LRGUK: variants seen among roughly 807,000 people sequenced by gnomAD.
LRGUK encodes leucine rich repeats and guanylate kinase domain containing, also known as leucine-rich repeat and guanylate kinase domain-containing protein.
In LRGUK, 65 loss-of-function variants were observed where a neutral mutation model predicts 76.0. That is an observed-to-expected ratio of 0.85 (90% CI 0.70 to 1.05). The LOEUF (loss-of-function observed/expected upper bound fraction) is 1.05, where lower values mean the gene tolerates loss of function less well. Ranked by LOEUF, LRGUK falls within the 50% of genes least tolerant of loss-of-function variation. LRGUK has a pLI of 0.00. For synonymous variants in LRGUK, 268 were observed against 265.6 expected, an observed-to-expected ratio of 1.01 and a Z score of -0.09; for missense variants, 758 against 732.8, an observed-to-expected ratio of 1.03 and a Z score of -0.40.
At chr7:134,253,109 C>A (rs1052849723) in intron 18 of LRGUK, among the ~76,000 whole-genome samples, 3 of 152,142 alleles carry the variant, frequency 2.0e-5, no homozygotes, top group Non-Finnish European at 2.9e-5. Context: ...AAATGTACTT[C>A]TTTGCTGGGA....
chr7:134,258,475 A>G, intron 19 of LRGUK, 70 bp downstream of exon 19: 1 of 1,436,654 alleles, frequency 7.0e-7, no homozygotes, highest in East Asian at 2.4e-5. Flanking sequence ...AGGCGAATGG[A>G]TCTCCTGACG....
intron 1 of LRGUK, 80 bp downstream of exon 1, chr7:134,127,744 C>T (rs1797075759): frequency 2.0e-6 from 3 of 1,470,702 alleles, no homozygotes; most frequent in Non-Finnish European, 2.7e-6. Context: ...CCGATGCACC[C>T]CCACCAGCCC....
chr7:134,195,085 G>A (rs1773848036), intron 12 of LRGUK, among the ~76,000 whole-genome samples: 1 of 152,092 alleles, frequency 6.6e-6, no homozygotes, highest in Admixed American at 6.6e-5. Flanking sequence ...CTGTCTTCCT[G>A]TACTGAATCA....
downstream of LRGUK, among the ~76,000 whole-genome samples, chr7:134,265,134 G>A (rs1802833482): frequency 6.6e-6 from 1 of 152,040 alleles, no homozygotes; most frequent in South Asian, 2.1e-4. Flanking sequence ...TGGAGAAGTG[G>A]GGAGGAAGAG....
chr7:134,248,011 A>T (rs1428705056), intron 17 of LRGUK, among the ~76,000 whole-genome samples: 2 of 152,174 alleles, frequency 1.3e-5, no homozygotes, highest in Non-Finnish European at 2.9e-5. Context: ...ATCTATTGAG[A>T]ATCTTTAATC....
chr7:134,271,126 G>C, the LRGUK span, among the ~76,000 whole-genome samples: 1 of 151,820 alleles, frequency 6.6e-6, no homozygotes, highest in Non-Finnish European at 1.5e-5. Flanking sequence ...TGAATTGCCT[G>C]TTTATATGTT....
At chr7:134,199,418 G>A (rs993419579) in exon 14 of LRGUK, 2 of 1,609,720 alleles carry the variant, frequency 1.2e-6, no homozygotes, top group Non-Finnish European at 1.7e-6. Context: ...GGTAATCAAT[G>A]CAGGTTGGTA....
At chr7:134,149,319 T>C (rs1399526801) in intron 5 of LRGUK, among the ~76,000 whole-genome samples, 1 of 152,102 alleles carries the variant, frequency 6.6e-6, no homozygotes, top group Non-Finnish European at 1.5e-5. Flanking sequence ...AGCCAGTACC[T>C]TCTTTTTCTC....
chr7:134,208,777 G>A (rs565465875), exon 16 of LRGUK: 10 of 399,020 alleles, frequency 2.5e-5, no homozygotes, highest in Admixed American at 4.4e-5. Context: ...GGTGCTTGGC[G>A]AAACTGCAAG....
chr7:134,156,236 C>T (rs563464855), intron 5 of LRGUK, among the ~76,000 whole-genome samples: 1 of 152,018 alleles, frequency 6.6e-6, no homozygotes, highest in Non-Finnish European at 1.5e-5. Context: ...TTCACTCTTT[C>T]GGAAATTGCC....
chr7:134,217,076 C>T (rs1460835761), intron 15 of LRGUK, among the ~76,000 whole-genome samples: 1 of 152,028 alleles, frequency 6.6e-6, no homozygotes, highest in Non-Finnish European at 1.5e-5. Context: ...TAGCAAGTTT[C>T]CACTCTTGAA....
intron 15 of LRGUK, among the ~76,000 whole-genome samples, chr7:134,203,040 TA>T (rs1310817440): frequency 1.3e-5 from 2 of 152,040 alleles, no homozygotes; most frequent in East Asian, 3.9e-4. Flanking sequence ...CTGTCTCTAC[TA>T]AAAATACAAA....
chr7:134,148,159 C>A lies in LRGUK; in HGVS notation c.589-79C>A, dbSNP rs1201955614. ...CTAACTCTACATTCAAAAATACCTT[C>A]TTCTTGCACAGTTAATTATTGTGGC... On this transcript the variant is annotated intron_variant, in intron 4 of 15. Coordinates refer to ENST00000645682, the Ensembl canonical transcript of LRGUK. The A allele has an allele frequency of 3.4e-6, 3 of 871,810 alleles. No homozygotes were observed. In the African/African-American group the frequency reaches 5.2e-5, roughly 15 times the overall value. The allele number at this position is 871,810 out of a possible 1,614,324, so 54.0% of individuals were successfully genotyped here.
intron 5 of LRGUK, among the ~76,000 whole-genome samples, chr7:134,156,327 G>T (rs1024209721): frequency 1.3e-5 from 2 of 151,912 alleles, no homozygotes; most frequent in Non-Finnish European, 2.9e-5. Flanking sequence ...ATTCTAGGTA[G>T]AATCTTTTGT....
chr7:134,221,823 T>A (rs1426052518), exon 16 of LRGUK: 1 of 1,602,390 alleles, frequency 6.2e-7, no homozygotes, highest in South Asian at 1.1e-5. Context: ...TCCTACAAAG[T>A]ATATTTCTTC....
Position 134,163,141 on chromosome 7 carries a change from T to A in LRGUK, c.796-256T>A, listed in dbSNP as rs17167543. 0.13 allele frequency among the ~76,000 whole-genome samples: 20,027 copies of A among 152,192 alleles called. 1,667 individuals are homozygous for A. Among genetic ancestry groups the A allele is most frequent in the East Asian group, 0.32 (1,660 of 5,162 alleles). On this transcript the variant is annotated intron_variant, in intron 6 of 15. Coordinates refer to ENST00000645682, the Ensembl canonical transcript of LRGUK. ...ACCTGCCTTTTTCTTTCTTACTGAT[T>A]TGAATACTCATCTTGCTTTAACTTT...
Position 134,177,020 on chromosome 7 carries a change from G to A in LRGUK, c.1064G>A (p.Arg355Gln), listed in dbSNP as rs145680854. The A allele has an allele frequency of 3.6e-5, 58 of 1,602,642 alleles. No homozygotes were observed. In the Middle Eastern group the frequency reaches 6.6e-4, roughly 18 times the overall value. Residue 355 changes from arginine (R) to glutamine (Q), a missense_variant, in exon 9 of 16, where the codon CGA (arginine) becomes CAA (glutamine). Transcript: ENST00000645682. ...TTCTTCGTAATTTTTATGCTTCTGC[G>A]ATTAACAGAATTAGATCAGAAGAAG...
downstream of LRGUK, among the ~76,000 whole-genome samples, chr7:134,267,777 G>A (rs1048317600): frequency 1.3e-5 from 2 of 151,984 alleles, no homozygotes; most frequent in East Asian, 1.9e-4. Context: ...GCGTGAAAAC[G>A]GACTAATACA....
At chr7:134,250,901 C>T (rs1802426564) in intron 18 of LRGUK, among the ~76,000 whole-genome samples, 1 of 152,204 alleles carries the variant, frequency 6.6e-6, no homozygotes, top group Admixed American at 6.5e-5. Flanking sequence ...AAGTCTCACA[C>T]TTCACCCGTG....
Sources: allele counts gnomAD v4.1 joint callset (sites outside exome capture counted in the v4.1 genomes callset), GRCh38; gene constraint gnomAD v4.1.1; transcripts MANE v1.5; gene names NCBI Gene and HGNC (gene_info 2026-07-23, HGNC 2026-07-21).